Variants in CLDN16 observed in about 807,000 individuals in gnomAD.
CLDN16 encodes claudin-16.
In CLDN16, 13 loss-of-function variants were observed where a neutral mutation model predicts 24.6. That is an observed-to-expected ratio of 0.53 (90% CI 0.34 to 0.84). The LOEUF (loss-of-function observed/expected upper bound fraction) is 0.84, where lower values mean the gene tolerates loss of function less well. Among genes scored for constraint, CLDN16 ranks in the 40% least tolerant of loss-of-function variants. The pLI is 0.01. For missense variants in CLDN16, 298 were observed against 292.7 expected (o/e 1.02, Z -0.13); for synonymous variants, 116 against 106.7 (o/e 1.09, Z -0.54).
intron 1 of CLDN16, among the ~76,000 whole-genome samples, chr3:190,347,926 G>A (rs1196537829): frequency 6.6e-6 from 1 of 151,818 alleles, no homozygotes; most frequent in African/African-American, 2.4e-5. Context: ...CCTAGTGGTG[G>A]TACAGGGCGA....
the CLDN16 span, among the ~76,000 whole-genome samples, chr3:190,296,791 C>T: frequency 1.3e-5 from 2 of 151,970 alleles, no homozygotes; most frequent in Non-Finnish European, 2.9e-5. Flanking sequence ...ACCTCGTGAT[C>T]CGCCCGTCTT....
At chr3:190,385,567 T>A (rs1718474052), upstream of CLDN16, among the ~76,000 whole-genome samples, 1 of 65,882 alleles carries the variant, frequency 1.5e-5, no homozygotes, top group East Asian at 6.4e-4. Flanking sequence ...TGCTATAGTC[T>A]AGATTTTTTT....
At chr3:190,292,752 C>T in the CLDN16 span, among the ~76,000 whole-genome samples, 1 of 152,178 alleles carries the variant, frequency 6.6e-6, no homozygotes, top group African/African-American at 2.4e-5. Flanking sequence ...AGTCTCTTTG[C>T]TAAAGCATAG....
intron 1 of CLDN16, among the ~76,000 whole-genome samples, chr3:190,395,346 T>TC (rs1718791220): frequency 6.6e-6 from 1 of 152,050 alleles, no homozygotes; most frequent in Non-Finnish European, 1.5e-5. Context: ...AAATGTAAGA[T>TC]ATAAAGTAAA....
At chr3:190,384,464 C>T (rs1217053404), upstream of CLDN16, among the ~76,000 whole-genome samples, 1 of 152,158 alleles carries the variant, frequency 6.6e-6, no homozygotes, top group Non-Finnish European at 1.5e-5. Flanking sequence ...AGACCAACAG[C>T]CACGGTGCTA....
the CLDN16 span, among the ~76,000 whole-genome samples, chr3:190,293,116 G>A: frequency 6.6e-6 from 1 of 152,168 alleles, no homozygotes; most frequent in African/African-American, 2.4e-5. Flanking sequence ...CACATGGCTG[G>A]GGAGGCCTCA....
At chr3:190,291,532 A>G in the CLDN16 span, among the ~76,000 whole-genome samples, 1 of 151,988 alleles carries the variant, frequency 6.6e-6, no homozygotes, top group Non-Finnish European at 1.5e-5. Flanking sequence ...TGATCCAGTC[A>G]CCTCCCATCA....
the CLDN16 span, among the ~76,000 whole-genome samples, chr3:190,308,915 G>C: frequency 2.0e-5 from 3 of 152,114 alleles, no homozygotes; most frequent in African/African-American, 7.2e-5. Flanking sequence ...CAAATCTTAT[G>C]GTTTTGTAAA....
At chr3:190,378,996 T>C (rs2108651826) in intron 3 of CLDN16, among the ~76,000 whole-genome samples, 1 of 152,186 alleles carries the variant, frequency 6.6e-6, no homozygotes, top group East Asian at 1.9e-4. Context: ...AAATGAGGAA[T>C]AATGATAGTT....
the CLDN16 span, among the ~76,000 whole-genome samples, chr3:190,310,618 T>C: frequency 6.6e-6 from 1 of 152,198 alleles, no homozygotes; most frequent in South Asian, 2.1e-4. Context: ...TTAGTACAGG[T>C]AGAATTACTT....
intron 1 of CLDN16, among the ~76,000 whole-genome samples, chr3:190,363,556 G>GTGTGTGTATATATATATATATA (rs1301414615): frequency 2.3e-5 from 2 of 87,400 alleles, no homozygotes; most frequent in African/African-American, 9.5e-5. Context: ...GTGTGTGTGT[G>GTGTGTGTATATATATATATATA]TATATATATA....
the CLDN16 span, among the ~76,000 whole-genome samples, chr3:190,314,562 ATT>A: frequency 0.078 from 11,249 of 143,732 alleles, 509 homozygotes; most frequent in East Asian, 0.17. Context: ...GCCTGGCTAA[ATT>A]TTTTTTTTTT....
At chr3:190,305,913 C>T in the CLDN16 span, 2 of 152,170 alleles carry the variant, frequency 1.3e-5, no homozygotes, top group African/African-American at 4.8e-5. Context: ...CTGATATCCA[C>T]ATGGAATTAC....
At chr3:190,309,120 G>A in the CLDN16 span, among the ~76,000 whole-genome samples, 5 of 152,162 alleles carry the variant, frequency 3.3e-5, no homozygotes, top group Non-Finnish European at 5.9e-5. Context: ...TTCTGGGATA[G>A]CAACTTCACC....
chr3:190,344,423 A>C (rs1023776307), intron 1 of CLDN16, among the ~76,000 whole-genome samples: 36 of 151,858 alleles, frequency 2.4e-4, no homozygotes, highest in Non-Finnish European at 4.3e-4. Context: ...TGATAGATTT[A>C]ATGTGTATAT....
At chr3:190,322,000 G>A (rs1716936317), upstream of CLDN16, 1 of 1,614,130 alleles carries the variant, frequency 6.2e-7, no homozygotes, top group Non-Finnish European at 8.5e-7. Context: ...GATTCAGCAA[G>A]GAGTCAAAGA....
intron 1 of CLDN16, among the ~76,000 whole-genome samples, chr3:190,398,058 GC>G (rs1239552337): frequency 6.6e-6 from 1 of 152,182 alleles, no homozygotes; most frequent in Non-Finnish European, 1.5e-5. Flanking sequence ...ACAGCACAGT[GC>G]CTTCAAACTT....
intron 3 of CLDN16, among the ~76,000 whole-genome samples, chr3:190,381,050 G>C (rs1234947369): frequency 2.6e-5 from 4 of 152,060 alleles, no homozygotes; most frequent in African/African-American, 9.7e-5. Context: ...TAATTCTCAA[G>C]TCCAAAGGTC....
chr3:190,332,373 CAGTA>C (rs1383155544), intron 1 of CLDN16, among the ~76,000 whole-genome samples: 2 of 152,130 alleles, frequency 1.3e-5, no homozygotes, highest in Non-Finnish European at 2.9e-5. Context: ...ATGCACCAGA[CAGTA>C]AGGGCTAAGA....
Sources: gnomAD v4.1 joint callset for allele counts (sites outside exome capture counted in the v4.1 genomes callset) on GRCh38, gnomAD v4.1.1 for gene constraint, MANE v1.5 for transcripts, NCBI Gene and HGNC (gene_info 2026-07-23, HGNC 2026-07-21) for gene names.